Variants in PVT1 observed in about 807,000 individuals in gnomAD.
PVT1 encodes the protein CXCR4/PVT1 fusion.
chr8:127,934,586 G>A (rs2129894287), intron 3 of PVT1, among the ~76,000 whole-genome samples: 1 of 152,288 alleles, frequency 6.6e-6, no homozygotes, highest in South Asian at 2.1e-4. Context: ...AGAGTGAATG[G>A]GTACATTTCT....
chr8:127,972,226 T>C (rs902712116), intron 3 of PVT1, among the ~76,000 whole-genome samples: 3 of 152,228 alleles, frequency 2.0e-5, no homozygotes, highest in African/African-American at 7.2e-5. Flanking sequence ...CCACCCATAT[T>C]GGTCAGGTGC....
In PVT1 at chr8:127,925,591, T is replaced by C. The variant is rs903780649; in HGVS notation, n.782+34593T>C. 1.6e-4 allele frequency among the ~76,000 whole-genome samples: 25 copies of C among 152,342 alleles called. No individual in the cohort carries two copies. The East Asian group carries it at 4.8e-3, about 29-fold the overall frequency. On this transcript the variant is annotated intron_variant and non_coding_transcript_variant, in intron 3 of 10. Coordinates refer to ENST00000651587, the Ensembl canonical transcript of PVT1. ...GAAAATAATTATTGAGATTATATAG[T>C]CTTGTGAAAAGATTTATCAGAGGCT...
intron 3 of PVT1, among the ~76,000 whole-genome samples, chr8:127,973,680 G>GAAAA (rs34973809): frequency 7.0e-6 from 1 of 143,614 alleles, no homozygotes; most frequent in South Asian, 2.2e-4. Flanking sequence ...TTGCCTTTTT[G>GAAAA]AAAAAAAAAA....
At chr8:128,044,018 T>TA (rs200041831) in intron 4 of PVT1, among the ~76,000 whole-genome samples, 48 of 131,552 alleles carry the variant, frequency 3.6e-4, no homozygotes, top group South Asian at 2.4e-4. Flanking sequence ...TTTATTTATT[T>TA]TTTTTTTTTT....
intron 2 of PVT1, among the ~76,000 whole-genome samples, chr8:127,849,444 A>G (rs1416591486): frequency 6.6e-6 from 1 of 152,144 alleles, no homozygotes; most frequent in Non-Finnish European, 1.5e-5. Flanking sequence ...GGAGGTGGAA[A>G]GACTGGTTTT....
chr8:127,805,172 C>T (rs1814512199), intron 2 of PVT1, among the ~76,000 whole-genome samples: 1 of 151,334 alleles, frequency 6.6e-6, no homozygotes, highest in South Asian at 2.1e-4. Flanking sequence ...TCAGGTGATC[C>T]ACCCGCCTTG....
intron 2 of PVT1, among the ~76,000 whole-genome samples, chr8:127,882,301 C>CG (rs1404916577): frequency 2.0e-5 from 3 of 152,212 alleles, no homozygotes; most frequent in South Asian, 2.1e-4. Context: ...AGCCTGTCAG[C>CG]GGGGGGACAG....
At chr8:128,003,342 C>T in intron 4 of PVT1, among the ~76,000 whole-genome samples, 1 of 150,366 alleles carries the variant, frequency 6.7e-6, no homozygotes. Context: ...CCCTGCCCTC[C>T]CTTCTCCTCC....
chr8:127,937,862 A>T (rs1354549965), intron 3 of PVT1, among the ~76,000 whole-genome samples: 2 of 152,188 alleles, frequency 1.3e-5, no homozygotes, highest in African/African-American at 4.8e-5. Context: ...GAGAGGGAAG[A>T]CATTTTTTAG....
rs939953703 is a variant in PVT1 at position 127,879,632 on chromosome 8, G to A, written n.373-10957G>A. Among the ~76,000 whole-genome samples the A allele has an allele frequency of 1.8e-4, 28 of 152,232 alleles. 1 individual carries two copies. Among genetic ancestry groups the A allele is most frequent in the Admixed American group, 1.3e-3 (20 of 15,290 alleles). On this transcript the variant is annotated intron_variant and non_coding_transcript_variant, in intron 2 of 10. Coordinates refer to ENST00000651587, the Ensembl canonical transcript of PVT1. The stretch of plus-strand genomic sequence containing the variant: ...CTCTGTCTCTTGCTGACTCCTGCAT[G>A]GCTTGGGCATACTTGGGCTTTGCTG...
At chr8:128,020,213 C>A (rs1817417224) in intron 4 of PVT1, among the ~76,000 whole-genome samples, 1 of 152,198 alleles carries the variant, frequency 6.6e-6, no homozygotes. Flanking sequence ...GATGCCCATG[C>A]CCTAATCTCT....
chr8:127,859,945 G>A (rs1024021795), intron 2 of PVT1, among the ~76,000 whole-genome samples: 2 of 151,902 alleles, frequency 1.3e-5, no homozygotes, highest in African/African-American at 4.8e-5. Flanking sequence ...CCCTCCTTTC[G>A]TGTGTCATCT....
chr8:127,967,708 G>A (rs752428), intron 3 of PVT1, among the ~76,000 whole-genome samples: 4,169 of 152,296 alleles, frequency 0.027, 91 homozygotes, highest in African/African-American at 0.047. Flanking sequence ...CCACAAAGAC[G>A]GAAAGGAAAA....
intron 2 of PVT1, among the ~76,000 whole-genome samples, chr8:127,848,962 G>T (rs896521766): frequency 2.0e-5 from 3 of 152,196 alleles, no homozygotes; most frequent in Admixed American, 6.5e-5. Flanking sequence ...GAAGGGAGGT[G>T]GGGTTGGAGA....
chr8:128,036,214 CA>C (rs1216013334), intron 4 of PVT1, among the ~76,000 whole-genome samples: 1 of 152,132 alleles, frequency 6.6e-6, no homozygotes, highest in African/African-American at 2.4e-5. Context: ...CTCAAAGCCC[CA>C]GGTTTGTCTG....
chr8:127,850,972 A>C (rs1369001619), intron 2 of PVT1, among the ~76,000 whole-genome samples: 1 of 151,766 alleles, frequency 6.6e-6, no homozygotes, highest in Non-Finnish European at 1.5e-5. Flanking sequence ...GTGCCATAGC[A>C]CTCCACTTTG....
At chr8:127,910,280 A>G (rs1258959713) in intron 3 of PVT1, among the ~76,000 whole-genome samples, 1 of 152,178 alleles carries the variant, frequency 6.6e-6, no homozygotes, top group East Asian at 1.9e-4. Flanking sequence ...AGGGTCGTGG[A>G]AACATGCACA....
intron 2 of PVT1, among the ~76,000 whole-genome samples, chr8:127,863,638 A>G (rs1234407000): frequency 6.6e-6 from 1 of 152,156 alleles, no homozygotes; most frequent in African/African-American, 2.4e-5. Context: ...TTGTGGGAAC[A>G]TTTTTGTAAT....
Position 128,007,006 on chromosome 8 carries a change from A to G in PVT1, n.912+17715A>G, listed in dbSNP as rs140682300. ...TATCCTTGACAGAACTATAACCTGA[A>G]TTTAACAAGGAGGAAATATCAGGCA... On this transcript the variant is annotated intron_variant and non_coding_transcript_variant, in intron 4 of 10. Transcript: ENST00000651587. Among the ~76,000 whole-genome samples the G allele has an allele frequency of 2.2e-3, 330 of 152,366 alleles. 1 individual carries two copies. Among genetic ancestry groups the G allele is most frequent in the African/African-American group, 7.5e-3 (311 of 41,588 alleles).
Sources: gnomAD v4.1 joint callset for allele counts (sites outside exome capture counted in the v4.1 genomes callset) on GRCh38, gnomAD v4.1.1 for gene constraint, MANE v1.5 for transcripts, NCBI Gene and HGNC (gene_info 2026-07-23, HGNC 2026-07-21) for gene names.